Variants in ATF6 observed in about 807,000 individuals in gnomAD.
The protein encoded by ATF6 is activating transcription factor 6, also known as cyclic AMP-dependent transcription factor ATF-6 alpha.
A neutral mutation model predicts 83.6 loss-of-function variants in ATF6; 53 were observed. The observed-to-expected ratio is 0.63, with a 90% CI of 0.51 to 0.80. The LOEUF (loss-of-function observed/expected upper bound fraction) is 0.80, where lower values mean the gene tolerates loss of function less well. ATF6 is among the 30% of genes least tolerant of loss of function. The probability of loss-of-function intolerance (pLI) is 0.00; values close to 1 mark genes in which losing one functional copy is unlikely to be tolerated. For synonymous variants in ATF6, 288 were observed against 285.8 expected, an observed-to-expected ratio of 1.01 and a Z score of -0.08; for missense variants, 744 against 797.9, an observed-to-expected ratio of 0.93 and a Z score of 0.81.
In ATF6 at chr1:161,920,404, C is replaced by T. The variant is rs146726480; in HGVS notation, c.1804+8024C>T. Among the ~76,000 whole-genome samples the T allele has an allele frequency of 2.2e-4, 33 of 148,712 alleles. No homozygotes were observed. The East Asian group carries it at 6.3e-3, about 29-fold the overall frequency. ...CCACCTCCTGGGTTCACGCCATTCT[C>T]CTGCCTCAGCCTCCCAAGTAGCTGG... On this transcript the variant is annotated intron_variant, in intron 15 of 15. Transcript: ENST00000367942.
In ATF6 at chr1:161,926,754, T is replaced by C. The variant is rs1688320488; in HGVS notation, c.1804+14374T>C. On this transcript the variant is annotated intron_variant, in intron 15 of 15. Coordinates refer to ENST00000367942, the MANE Select transcript of ATF6 (RefSeq NM_007348.4). ...CTTGTCAAAGAATGTAAAGAGTAAG[T>C]CTACAAGTCCATAATATTTTGATGG... is the stretch of plus-strand genomic sequence containing the variant. Among the ~76,000 whole-genome samples, 3 of 152,020 alleles carry C rather than the reference T, an allele frequency of 2.0e-5. No homozygotes were observed. The South Asian group carries it at 6.2e-4, about 32-fold the overall frequency.
At chr1:161,853,026 A>G (rs1686669433) in intron 11 of ATF6, among the ~76,000 whole-genome samples, 198 bp from the exon 12 acceptor site, 6 of 152,232 alleles carry the variant, frequency 3.9e-5, no homozygotes, top group Admixed American at 1.3e-4. Flanking sequence ...CAGGTTTACC[A>G]TGTAAAAATG....
At chr1:161,767,153 G>A (rs1369604335) in intron 1 of ATF6, among the ~76,000 whole-genome samples, 1 of 152,122 alleles carries the variant, frequency 6.6e-6, no homozygotes, top group East Asian at 1.9e-4. Flanking sequence ...CCTCTTGATT[G>A]CAAGATATAA....
At chr1:161,788,781 A>G (rs1684804876) in intron 4 of ATF6, among the ~76,000 whole-genome samples, 1 of 152,116 alleles carries the variant, frequency 6.6e-6, no homozygotes. Flanking sequence ...TATAAAATGA[A>G]TCAGTTTTCC....
intron 14 of ATF6, among the ~76,000 whole-genome samples, chr1:161,901,537 GT>G (rs1173286110): frequency 6.7e-6 from 1 of 150,108 alleles, no homozygotes; most frequent in Admixed American, 6.6e-5. Flanking sequence ...CTGTTTTACA[GT>G]TTTGCAGATT....
intron 9 of ATF6, among the ~76,000 whole-genome samples, chr1:161,831,305 T>G (rs553141860): frequency 6.6e-6 from 1 of 152,230 alleles, no homozygotes; most frequent in South Asian, 2.1e-4. Context: ...ACAGGTGCTG[T>G]AGAGGATGTG....
chr1:161,901,458 A>G (rs375461395), intron 14 of ATF6, among the ~76,000 whole-genome samples: 1 of 152,104 alleles, frequency 6.6e-6, no homozygotes, highest in East Asian at 1.9e-4. Context: ...AATTTTAAAT[A>G]ACATTTTTAA....
intron 15 of ATF6, among the ~76,000 whole-genome samples, chr1:161,937,496 A>G (rs969260835): frequency 1.3e-5 from 2 of 152,078 alleles, no homozygotes; most frequent in African/African-American, 2.4e-5. Context: ...ATGTAATGAT[A>G]TGAAAATCAG....
At chr1:161,941,130 C>A (rs150091403) in intron 15 of ATF6, among the ~76,000 whole-genome samples, 50 of 152,330 alleles carry the variant, frequency 3.3e-4, no homozygotes, top group African/African-American at 1.2e-3. Context: ...GAGAGCATCA[C>A]CTCTGCCTTA....
intron 1 of ATF6, among the ~76,000 whole-genome samples, chr1:161,769,479 C>T (rs1191876248): frequency 6.6e-6 from 1 of 152,064 alleles, no homozygotes; most frequent in Non-Finnish European, 1.5e-5. Context: ...AGCCTTTTGG[C>T]ACCAGGGACT....
chr1:161,860,652 T>C (rs1248337721), intron 13 of ATF6, among the ~76,000 whole-genome samples: 2 of 152,046 alleles, frequency 1.3e-5, no homozygotes, highest in African/African-American at 4.8e-5. Context: ...GGTGTCCTGC[T>C]GAGTGTTTTA....
At chr1:161,934,719 A>G (rs1178503025) in intron 15 of ATF6, among the ~76,000 whole-genome samples, 3 of 152,174 alleles carry the variant, frequency 2.0e-5, no homozygotes, top group Non-Finnish European at 4.4e-5. Context: ...TTTTCATGGC[A>G]CTTAGCATGT....
At chr1:161,810,028 A>C (rs1223691727) in intron 7 of ATF6, among the ~76,000 whole-genome samples, 1 of 152,142 alleles carries the variant, frequency 6.6e-6, no homozygotes, top group Non-Finnish European at 1.5e-5. Flanking sequence ...TTCAGTTTTG[A>C]TAGGTTTTAC....
intron 9 of ATF6, among the ~76,000 whole-genome samples, chr1:161,831,742 C>T (rs2101800492): frequency 7.5e-6 from 1 of 133,512 alleles, no homozygotes; most frequent in East Asian, 2.2e-4. Context: ...GGGAACTGAA[C>T]AGTGAGAGCA....
intron 7 of ATF6, among the ~76,000 whole-genome samples, chr1:161,814,740 C>T (rs983305889): frequency 6.6e-5 from 10 of 151,954 alleles, no homozygotes; most frequent in Non-Finnish European, 1.0e-4. Context: ...CTGCTTTAAA[C>T]AATTTAATGA....
intron 7 of ATF6, among the ~76,000 whole-genome samples, chr1:161,806,711 T>A (rs980583445): frequency 3.3e-5 from 5 of 152,120 alleles, no homozygotes; most frequent in Non-Finnish European, 7.4e-5. Context: ...CATCCCAAAA[T>A]GACTTCCCTT....
rs897159116 is a variant in ATF6 at position 161,936,529 on chromosome 1, A to G, written c.1805-21917A>G. On this transcript the variant is annotated intron_variant, in intron 15 of 15. Transcript: ENST00000367942. ...TTCAAACATGTCTCTGTTCTACCCT[A>G]TCTCTCTCATCATATATTTGTATGG... 2.6e-5 allele frequency among the ~76,000 whole-genome samples: 4 copies of G among 151,938 alleles called. No individual in the cohort carries two copies. The East Asian group carries it at 5.8e-4, about 22-fold the overall frequency.
intron 14 of ATF6, among the ~76,000 whole-genome samples, chr1:161,893,101 A>G (rs553175717): frequency 6.6e-6 from 1 of 152,216 alleles, no homozygotes; most frequent in African/African-American, 2.4e-5. Flanking sequence ...CTGTGAGTCT[A>G]TTCTAACCTA....
intron 7 of ATF6, among the ~76,000 whole-genome samples, chr1:161,803,244 T>C (rs1244787932): frequency 6.6e-6 from 1 of 152,174 alleles, no homozygotes; most frequent in Admixed American, 6.5e-5. Context: ...ATAAAATTGC[T>C]CCACAGTTGC....
Sources: allele counts gnomAD v4.1 joint callset (sites outside exome capture counted in the v4.1 genomes callset), GRCh38; gene constraint gnomAD v4.1.1; transcripts MANE v1.5; gene names NCBI Gene and HGNC (gene_info 2026-07-23, HGNC 2026-07-21).